CCDC146: variants seen among roughly 807,000 people sequenced by gnomAD.
CCDC146 encodes the protein coiled-coil domain containing 146, also known as coiled-coil domain-containing protein 146.
In CCDC146, 92 loss-of-function variants were observed where a neutral mutation model predicts 119.3. That is an observed-to-expected ratio of 0.77 (90% confidence interval 0.65 to 0.92). The LOEUF (loss-of-function observed/expected upper bound fraction) is 0.92. Ranked by LOEUF, CCDC146 falls within the 40% of genes least tolerant of loss-of-function variation. The probability of loss-of-function intolerance (pLI) is 0.00; values close to 1 mark genes in which losing one functional copy is unlikely to be tolerated. For synonymous variants in CCDC146, 372 were observed against 371.8 expected (o/e 1.00, Z -0.01); for missense variants, 1,000 against 1,103.0 (o/e 0.91, Z 1.32).
intron 2 of CCDC146, among the ~76,000 whole-genome samples, chr7:77,205,282 C>A (rs974223760): frequency 2.0e-5 from 3 of 152,156 alleles, no homozygotes; most frequent in East Asian, 1.9e-4. Context: ...CTGGTCACAT[C>A]ATTTTTGTTA....
chr7:77,258,850 T>C, intron 6 of CCDC146, 145 bp from the exon 7 acceptor site: 1 of 627,094 alleles, frequency 1.6e-6, no homozygotes, highest in South Asian at 2.0e-5. Context: ...TCACCGTGAG[T>C]ATTAAATGGG....
rs71215202 is a variant in CCDC146, at chr7:77,157,918, T to A, written c.-11-9740T>A. Among the ~76,000 whole-genome samples, 124 of 152,336 alleles carry A rather than the reference T, an allele frequency of 8.1e-4. 1 individual carries two copies. The highest frequency in any genetic ancestry group is 2.9e-3 in the African/African-American group (120 of 41,580). On this transcript the variant is annotated intron_variant, in intron 1 of 18. Coordinates refer to ENST00000285871, the MANE Select transcript of CCDC146 (RefSeq NM_020879.3). ...GAACCTTGTCTGGTCTTGCTCACCA[T>A]GGTACCTATCTCCTACCCATAGCAC...
intron 2 of CCDC146, among the ~76,000 whole-genome samples, chr7:77,210,517 C>T (rs1331163334): frequency 2.0e-5 from 3 of 152,220 alleles, no homozygotes; most frequent in East Asian, 3.8e-4. Context: ...AACTTTTCCT[C>T]ATCTTCCTAT....
chr7:77,157,944 A>G (rs1791201860), intron 1 of CCDC146, among the ~76,000 whole-genome samples: 1 of 152,176 alleles, frequency 6.6e-6, no homozygotes, highest in Admixed American at 6.5e-5. Context: ...CCCATAGCAC[A>G]GTGGCTGGGT....
intron 4 of CCDC146, among the ~76,000 whole-genome samples, chr7:77,251,793 A>G (rs1264388683): frequency 1.3e-5 from 2 of 152,216 alleles, no homozygotes; most frequent in African/African-American, 4.8e-5. Flanking sequence ...CACAGATGTC[A>G]GTAAATTTGA....
chr7:77,199,504 T>A, intron 2 of CCDC146: 2 of 1,614,126 alleles, frequency 1.2e-6, no homozygotes. Flanking sequence ...CTTGCAGTCT[T>A]GGCAAGATTT....
At chr7:77,191,612 G>C (rs1320859916) in intron 2 of CCDC146, among the ~76,000 whole-genome samples, 1 of 152,164 alleles carries the variant, frequency 6.6e-6, no homozygotes, top group Non-Finnish European at 1.5e-5. Flanking sequence ...CTGCCTATAA[G>C]AGATAACTAT....
intron 3 of CCDC146, among the ~76,000 whole-genome samples, chr7:77,240,436 A>G (rs1259169169): frequency 6.6e-6 from 1 of 152,196 alleles, no homozygotes; most frequent in Non-Finnish European, 1.5e-5. Context: ...CCTCCTGCAG[A>G]TACCAAAATC....
intron 2 of CCDC146, among the ~76,000 whole-genome samples, chr7:77,190,810 G>A (rs117028081): frequency 0.012 from 1,885 of 152,306 alleles, 23 homozygotes; most frequent in Non-Finnish European, 0.018. Context: ...TCTGGGGAGA[G>A]GGACAGGATT....
chr7:77,147,796 C>T (rs181895528), intron 1 of CCDC146, among the ~76,000 whole-genome samples: 7 of 152,318 alleles, frequency 4.6e-5, no homozygotes, highest in Non-Finnish European at 7.4e-5. Flanking sequence ...GGTACCCAGC[C>T]GTGTGAAGTG....
chr7:77,241,752 C>T lies in CCDC146; in HGVS notation c.301C>T (p.Gln101Ter), dbSNP rs761416880. The change falls in exon 4 of 19, where the codon CAG becomes TAG. Residue 101 changes from glutamine to a stop codon, truncating the protein, a stop_gained. Coordinates refer to ENST00000285871, the MANE Select transcript of CCDC146 (RefSeq NM_020879.3). LOFTEE classifies it high-confidence loss of function. ...NAKRFTEQIQ[Q>*]QQFHLQQADN... ...CAAACGTTTCACTGAGCAAATACAA[C>T]AGCAGCAGTTTCACCTGCAGCAAGC... The T allele has an allele frequency of 1.9e-6, 3 of 1,613,928 alleles. No individual in the cohort carries two copies. Among genetic ancestry groups the T allele is most frequent in the Non-Finnish European group, 2.5e-6 (3 of 1,180,032 alleles).
intron 14 of CCDC146, among the ~76,000 whole-genome samples, chr7:77,280,995 T>C (rs1237825188): frequency 5.3e-5 from 8 of 151,284 alleles, no homozygotes; most frequent in African/African-American, 1.7e-4. Context: ...CCCAGCTACT[T>C]GGGAAGCTGC....
chr7:77,274,104 T>C (rs1462317654), intron 10 of CCDC146, among the ~76,000 whole-genome samples: 1 of 152,268 alleles, frequency 6.6e-6, no homozygotes, highest in African/African-American at 2.4e-5. Flanking sequence ...TTTGTTTTTA[T>C]GTGTCTTCTT....
At chr7:77,284,651 T>C (rs184314971) in intron 15 of CCDC146, among the ~76,000 whole-genome samples, 88 of 151,768 alleles carry the variant, frequency 5.8e-4, no homozygotes, top group South Asian at 4.0e-3. Context: ...AAAATTGTCA[T>C]TTTATTATAT....
intron 17 of CCDC146, 116 bp from the exon 18 acceptor site, chr7:77,292,836 G>A: frequency 9.6e-7 from 1 of 1,041,284 alleles, no homozygotes; most frequent in Non-Finnish European, 1.4e-6. Flanking sequence ...TTCCAAGTTA[G>A]ACCCTCCTTC....
chr7:77,244,060 T>G (rs771403820), intron 4 of CCDC146, among the ~76,000 whole-genome samples: 2 of 152,172 alleles, frequency 1.3e-5, no homozygotes, highest in South Asian at 4.1e-4. Context: ...GTATTTTTAG[T>G]AGAGACGGGA....
intron 14 of CCDC146, among the ~76,000 whole-genome samples, chr7:77,281,209 A>G (rs1347475191): frequency 6.6e-6 from 1 of 152,142 alleles, no homozygotes; most frequent in South Asian, 2.1e-4. Flanking sequence ...TTGAAGATCA[A>G]TGTCCTTTCC....
intron 2 of CCDC146, among the ~76,000 whole-genome samples, chr7:77,190,976 G>A (rs1023555729): frequency 2.0e-5 from 3 of 152,006 alleles, no homozygotes; most frequent in East Asian, 1.9e-4. Context: ...TATTGGGCAG[G>A]TACAGCAATA....
chr7:77,215,558 GA>G (rs1473959854), intron 2 of CCDC146, among the ~76,000 whole-genome samples: 1 of 152,016 alleles, frequency 6.6e-6, no homozygotes, highest in Non-Finnish European at 1.5e-5. Context: ...TTAATGGACA[GA>G]ACTAGGAAAG....
Sources: gnomAD v4.1 joint callset for allele counts (sites outside exome capture counted in the v4.1 genomes callset) on GRCh38, gnomAD v4.1.1 for gene constraint, MANE v1.5 for transcripts, NCBI Gene and HGNC (gene_info 2026-07-23, HGNC 2026-07-21) for gene names.